Variants in MYBPC1 observed in about 807,000 individuals in gnomAD.
The protein encoded by MYBPC1 is myosin binding protein C1.
Under a neutral mutation model 147.1 loss-of-function variants are expected in MYBPC1, and 52 were observed. The ratio of observed to expected loss-of-function variants is 0.35; its 90% confidence interval spans 0.28 to 0.45. MYBPC1 has a LOEUF of 0.45. MYBPC1 is among the 20% of genes least tolerant of loss of function. The probability of loss-of-function intolerance (pLI) is 1.00; values close to 1 mark genes in which losing one functional copy is unlikely to be tolerated. For missense variants in MYBPC1, 1,228 were observed against 1,440.3 expected (o/e 0.85, Z 2.39); for synonymous variants, 477 against 475.9 (o/e 1.00, Z -0.03).
At chr12:101,662,643 CT>C in intron 21 of MYBPC1, 97 bp downstream of exon 21, 1 of 1,376,052 alleles carries the variant, frequency 7.3e-7, no homozygotes. Context: ...CTGGACACTT[CT>C]TAGAGTTGTA....
chr12:101,596,392 G>C (rs1877256781), intron 1 of MYBPC1, among the ~76,000 whole-genome samples: 1 of 152,196 alleles, frequency 6.6e-6, no homozygotes, highest in Non-Finnish European at 1.5e-5. Flanking sequence ...TATCTTATTT[G>C]TAATGCAAAT....
At chr12:101,666,639 C>T in intron 22 of MYBPC1, 1 of 1,126,012 alleles carries the variant, frequency 8.9e-7, no homozygotes. Context: ...AATCTCTTTG[C>T]ACACTTTGCA....
chr12:101,626,765 A>G (rs1343837605), intron 3 of MYBPC1, 107 bp from the exon 4 acceptor site: 1 of 956,662 alleles, frequency 1.0e-6, no homozygotes, highest in African/African-American at 1.6e-5. Context: ...CAGCAGTTGA[A>G]AGTGTATTGT....
At chr12:101,687,382 G>A (rs1201956218), downstream of MYBPC1, among the ~76,000 whole-genome samples, 1 of 152,084 alleles carries the variant, frequency 6.6e-6, no homozygotes, top group Non-Finnish European at 1.5e-5. Context: ...CTTCATCCAT[G>A]TCCCTACAAA....
Position 101,651,214 on chromosome 12 carries a change from G to A in MYBPC1, c.1364-17G>A, listed in dbSNP as rs369639301. 6.2e-7 allele frequency: 1 copy of A among 1,613,880 alleles called. No homozygotes were observed. Among genetic ancestry groups the A allele is most frequent in the African/African-American group, 1.3e-5 (1 of 74,912 alleles). On this transcript the variant is annotated splice_polypyrimidine_tract_variant and intron_variant, in intron 15 of 31. Coordinates refer to ENST00000361466, the MANE Select transcript of MYBPC1 (RefSeq NM_002465.4). ...GAGTTTGGGCTTGGCATTTGTGATG[G>A]TCTATCATTTCTACAGTGAAACCTC...
At chr12:101,595,567 T>TC (rs1475404560) in intron 1 of MYBPC1, among the ~76,000 whole-genome samples, 2 of 151,418 alleles carry the variant, frequency 1.3e-5, no homozygotes, top group East Asian at 3.8e-4. Flanking sequence ...ATTTGCTACT[T>TC]TTTTTAATGG....
chr12:101,617,585 T>A (rs2135867058), intron 3 of MYBPC1, among the ~76,000 whole-genome samples: 1 of 143,454 alleles, frequency 7.0e-6, no homozygotes, highest in East Asian at 1.9e-4. Flanking sequence ...ATTATCTGAA[T>A]TACCCGGTTT....
At chr12:101,682,205 T>TA (rs199754518) in intron 29 of MYBPC1, among the ~76,000 whole-genome samples, 12 of 147,044 alleles carry the variant, frequency 8.2e-5, no homozygotes, top group East Asian at 7.9e-4. Context: ...AAACAAAAAC[T>TA]AAAAAAAAAA....
intron 2 of MYBPC1, among the ~76,000 whole-genome samples, chr12:101,616,050 A>G (rs1264177331): frequency 1.3e-5 from 2 of 152,152 alleles, no homozygotes; most frequent in Non-Finnish European, 2.9e-5. Flanking sequence ...AGCTGCTCAC[A>G]AGAGGCCCTT....
intron 22 of MYBPC1, chr12:101,666,679 G>C: frequency 2.9e-6 from 4 of 1,389,046 alleles, no homozygotes; most frequent in Non-Finnish European, 4.1e-6. Flanking sequence ...GCTGACTGCT[G>C]ATACGATATT....
intron 2 of MYBPC1, among the ~76,000 whole-genome samples, chr12:101,616,297 C>G (rs1886040497): frequency 6.6e-6 from 1 of 152,038 alleles, no homozygotes; most frequent in African/African-American, 2.4e-5. Context: ...GTACTTTGAC[C>G]AACATTGAGT....
At chr12:101,649,779 A>G (rs1306505935) in intron 15 of MYBPC1, among the ~76,000 whole-genome samples, 1 of 152,230 alleles carries the variant, frequency 6.6e-6, no homozygotes, top group African/African-American at 2.4e-5. Flanking sequence ...CTCTGCAATT[A>G]CATTTGGCAT....
At chr12:101,641,047 G>C (rs1264992253) in intron 10 of MYBPC1, among the ~76,000 whole-genome samples, 21 of 145,592 alleles carry the variant, frequency 1.4e-4, no homozygotes, top group Non-Finnish European at 2.8e-4. Flanking sequence ...AAGAGGCAGA[G>C]ATTGCAGTGA....
At chr12:101,602,214 CTTATT>C (rs947110175) in intron 1 of MYBPC1, among the ~76,000 whole-genome samples, 1 of 151,846 alleles carries the variant, frequency 6.6e-6, no homozygotes, top group Non-Finnish European at 1.5e-5. Flanking sequence ...CTTATTTTAT[CTTATT>C]TTATTTTTTA....
intron 12 of MYBPC1, 133 bp from the exon 13 acceptor site, chr12:101,646,630 C>A (rs866030473): frequency 2.9e-6 from 3 of 1,023,574 alleles, no homozygotes; most frequent in Non-Finnish European, 4.4e-6. Context: ...CAGAGCAAGA[C>A]CCTGTCTCAA....
chr12:101,598,779 A>G (rs1878552850), intron 1 of MYBPC1, among the ~76,000 whole-genome samples: 3 of 151,904 alleles, frequency 2.0e-5, no homozygotes, highest in Admixed American at 2.0e-4. Flanking sequence ...TGGGGGCCTC[A>G]CAATATTGCC....
intron 18 of MYBPC1, among the ~76,000 whole-genome samples, chr12:101,656,138 T>C (rs1895500316): frequency 1.3e-5 from 2 of 152,026 alleles, no homozygotes; most frequent in Admixed American, 1.3e-4. Flanking sequence ...TAATTGTAAA[T>C]ATATATTGTA....
intron 5 of MYBPC1, chr12:101,629,124 AC>A (rs1444479645): frequency 5.2e-6 from 2 of 385,574 alleles, no homozygotes; most frequent in Non-Finnish European, 9.9e-6. Context: ...CTGTTAGGGG[AC>A]AGGCAAGATG....
At chr12:101,687,063 G>A (rs1951358452), downstream of MYBPC1, among the ~76,000 whole-genome samples, 1 of 151,404 alleles carries the variant, frequency 6.6e-6, no homozygotes, top group African/African-American at 2.4e-5. Context: ...ATAACCCATT[G>A]TTTTTATATA....
Sources: allele counts gnomAD v4.1 joint callset (sites outside exome capture counted in the v4.1 genomes callset), GRCh38; gene constraint gnomAD v4.1.1; transcripts MANE v1.5; gene names NCBI Gene and HGNC (gene_info 2026-07-23, HGNC 2026-07-21).